The following NENF variants were observed in gnomAD, a reference collection of about 807,000 sequenced individuals.
NENF encodes the protein neudesin neurotrophic factor.
Under a neutral mutation model 14.8 loss-of-function variants are expected in NENF, and 6 were observed. That is an observed-to-expected ratio of 0.40 (90% CI 0.22 to 0.80). The LOEUF (loss-of-function observed/expected upper bound fraction) is 0.80. NENF is among the 30% of genes least tolerant of loss of function. NENF has a pLI of 0.34. For synonymous variants in NENF, 76 were observed against 95.1 expected (o/e 0.80, Z 1.17); for missense variants, 184 against 212.7 (o/e 0.87, Z 0.84).
Position 212,445,970 on chromosome 1 carries a change from A to G in NENF, c.483A>G (p.Glu161=), listed in dbSNP as rs1389399488. Residue 161 remains glutamate (E), a synonymous_variant, in exon 4 of 4, where the codon GAA becomes GAG. Transcript: ENST00000366988. The part of the protein sequence containing the change: ...DGSPNLDFKP[E]DQPHFDIKDE... ...GCCCTAACCTGGACTTCAAGCCTGA[A>G]GACCAGCCCCATTTTGACATCAAGG... The G allele has an allele frequency of 3.7e-6, 6 of 1,614,238 alleles. No individual in the cohort carries two copies. Among genetic ancestry groups the G allele is most frequent in the Non-Finnish European group, 5.1e-6 (6 of 1,180,046 alleles).
intron 1 of NENF, among the ~76,000 whole-genome samples, chr1:212,437,606 G>A (rs1444918232): frequency 6.6e-6 from 1 of 152,150 alleles, no homozygotes; most frequent in African/African-American, 2.4e-5. Flanking sequence ...TTCAAGGTGA[G>A]AGAGCTCAGA....
At chr1:212,443,128 T>C (rs1662722601) in intron 2 of NENF, among the ~76,000 whole-genome samples, 1 of 152,236 alleles carries the variant, frequency 6.6e-6, no homozygotes, top group South Asian at 2.1e-4. Flanking sequence ...AATGACATGC[T>C]TCTACTCAAA....
chr1:212,442,676 G>A (rs758327476), intron 2 of NENF, 51 bp downstream of exon 2: 8 of 1,352,868 alleles, frequency 5.9e-6, no homozygotes, highest in Non-Finnish European at 8.5e-6. Flanking sequence ...ACAGAAGCCA[G>A]AGTGAGCAGC....
chr1:212,442,944 T>G (rs756744967), intron 2 of NENF, among the ~76,000 whole-genome samples: 8 of 152,098 alleles, frequency 5.3e-5, no homozygotes, highest in Admixed American at 5.2e-4. Context: ...GGTTTCACCA[T>G]CTTGGCAAGG....
chr1:212,436,203 C>T (rs1029656541), intron 1 of NENF, among the ~76,000 whole-genome samples: 7 of 151,438 alleles, frequency 4.6e-5, no homozygotes, highest in African/African-American at 9.7e-5. Context: ...TTGGTTTACA[C>T]GATAGCGGGG....
In NENF at chr1:212,433,192, G is replaced by A. The variant is rs1662547951; in HGVS notation, c.177+72G>A. On this transcript the variant is annotated intron_variant, in intron 1 of 3. Transcript: ENST00000366988. This position sits in a 1 kb window ranked among gnomAD's most constrained non-coding sequence, Gnocchi z 5.5. ...CTGCGGCGAGCCGAGCGGGGACCCA[G>A]GAGGCGCCGGCGGCCCAGGAAGCTC... The A allele has an allele frequency of 9.8e-7, 1 of 1,020,584 alleles. No homozygotes were observed. The highest frequency in any genetic ancestry group is 1.2e-6 in the Non-Finnish European group (1 of 820,504). 63.2% of individuals were successfully genotyped at this position (1,020,584 alleles called of 1,614,324 possible).
chr1:212,434,368 C>T (rs183545682), intron 1 of NENF, among the ~76,000 whole-genome samples: 202 of 152,318 alleles, frequency 1.3e-3, no homozygotes, highest in Admixed American at 2.2e-3. Flanking sequence ...CCCTTCCCTA[C>T]CCAATAACGG....
Position 212,445,875 on chromosome 1 carries a change from A to G in NENF, c.388A>G (p.Thr130Ala). 1 of 1,614,150 alleles carries G rather than the reference A, an allele frequency of 6.2e-7. No homozygotes were observed. The highest frequency in any genetic ancestry group is 2.2e-5 in the East Asian group (1 of 44,880). ...ACTGGAGGCCCTGGATGAGGTCTTC[A>G]CCAAAGTGTACAAAGCCAAATACCC... ...KELEALDEVF[T>A]KVYKAKYPIV... is the part of the protein sequence containing the mutation. Residue 130 changes from threonine to alanine, a missense_variant, in exon 4 of 4, where the codon ACC (threonine) becomes GCC (alanine). Physicochemically the swap from Thr to Ala is moderately conservative, Grantham distance 58. Coordinates refer to ENST00000366988, the MANE Select transcript of NENF (RefSeq NM_013349.5).
chr1:212,444,480 T>A, intron 3 of NENF, 38 bp downstream of exon 3: 1 of 1,386,446 alleles, frequency 7.2e-7, no homozygotes, highest in Non-Finnish European at 1.0e-6. Context: ...ATCCTCTACC[T>A]CCTTGTCCAT....
chr1:212,440,940 C>A (rs1235791639), intron 1 of NENF, among the ~76,000 whole-genome samples: 1 of 152,232 alleles, frequency 6.6e-6, no homozygotes, highest in African/African-American at 2.4e-5. Flanking sequence ...AGCCACCTGG[C>A]TGATGCCCCT....
Position 212,433,079 on chromosome 1 carries a change from C to T in NENF, c.136C>T (p.Leu46Phe). 1.7e-6 allele frequency: 2 copies of T among 1,196,920 alleles called. No homozygotes were observed. Among genetic ancestry groups the T allele is most frequent in the African/African-American group, 1.6e-5 (1 of 63,024 alleles). 74.1% of individuals were successfully genotyped at this position (1,196,920 alleles called of 1,614,324 possible). ...TGCCGAGCGGGGGCCCCCAGTGCGG[C>T]TTTTCACCGAGGAGGAGCTGGCCCG... ...RPAERGPPVR[L>F]FTEEELARYG... Residue 46 changes from leucine to phenylalanine, a missense_variant, in exon 1 of 4, where the codon CTT becomes TTT. By Grantham distance (22) the Leu-to-Phe change is conservative. Coordinates refer to ENST00000366988, the MANE Select transcript of NENF (RefSeq NM_013349.5). This position sits in a 1 kb window ranked among gnomAD's most constrained non-coding sequence, Gnocchi z 5.5.
intron 3 of NENF, among the ~76,000 whole-genome samples, 166 bp from the exon 4 acceptor site, chr1:212,445,664 C>G (rs1287613834): frequency 6.6e-6 from 1 of 151,892 alleles, no homozygotes; most frequent in Admixed American, 6.6e-5. Flanking sequence ...CCCACGCCCC[C>G]CCCACAGCAG....
At chr1:212,442,899 G>A (rs768069592) in intron 2 of NENF, among the ~76,000 whole-genome samples, 15 of 151,872 alleles carry the variant, frequency 9.9e-5, no homozygotes, top group Non-Finnish European at 1.6e-4. Context: ...CACCACCACC[G>A]CTGGCTAATT....
intron 1 of NENF, among the ~76,000 whole-genome samples, chr1:212,438,223 G>T (rs931731704): frequency 6.6e-6 from 1 of 152,218 alleles, no homozygotes; most frequent in African/African-American, 2.4e-5. Flanking sequence ...TGTCAAAATT[G>T]CCCTGATAGG....
At chr1:212,436,312 T>TA (rs1662600433) in intron 1 of NENF, among the ~76,000 whole-genome samples, 1 of 148,280 alleles carries the variant, frequency 6.7e-6, no homozygotes, top group Non-Finnish European at 1.5e-5. Context: ...TGGGTCTTTT[T>TA]TTTTTTTTTT....
chr1:212,435,142 T>G (rs1228120639), intron 1 of NENF: 2 of 152,214 alleles, frequency 1.3e-5, no homozygotes, highest in African/African-American at 4.8e-5. Context: ...TCATACCTGG[T>G]TTTGAGTCCC....
At chr1:212,439,378 CAA>C (rs34201751) in intron 1 of NENF, among the ~76,000 whole-genome samples, 1 of 135,964 alleles carries the variant, frequency 7.4e-6, no homozygotes, top group Admixed American at 7.4e-5. Flanking sequence ...ACTAAAAATA[CAA>C]AAAAAAAAAA....
rs78790038 is a variant in NENF, at chr1:212,444,398, G to A, written c.298G>A (p.Val100Ile). 1.8e-4 allele frequency: 295 copies of A among 1,610,308 alleles called. 1 individual carries two copies. In the African/African-American group the frequency reaches 3.5e-3, roughly 19 times the overall value. The change falls in exon 3 of 4, where the codon GTA (valine) becomes ATA (isoleucine). Residue 100 changes from valine (V) to isoleucine (I), a missense_variant. Transcript: ENST00000366988. ...GACGGGGAAGGACTCCACTAGAGGG[G>A]TAGCCAAGATGTCCTTGGATCCTGC... Reference protein sequence around the residue: ...ALTGKDSTRGVAKMSLDPADL... With the variant: ...ALTGKDSTRGIAKMSLDPADL...
intron 3 of NENF, 76 bp downstream of exon 3, chr1:212,444,518 CGTGTGTGTGT>C (rs57220444): frequency 0.024 from 12,003 of 496,834 alleles, 125 homozygotes; most frequent in Non-Finnish European, 0.028. Context: ...TTTTTCTTTT[CGTGTGTGTGT>C]GTGTGTGTGT....
Sources: allele counts gnomAD v4.1 joint callset (sites outside exome capture counted in the v4.1 genomes callset), GRCh38; gene constraint gnomAD v4.1.1; non-coding constraint Gnocchi (gnomAD v3.1); transcripts MANE v1.5; gene names NCBI Gene and HGNC (gene_info 2026-07-23, HGNC 2026-07-21).